The following MUC3A variants were observed in gnomAD, a reference collection of about 807,000 sequenced individuals.
The protein encoded by MUC3A is mucin-3A.
MUC3A carries 109 observed loss-of-function variants against 109.0 expected under a neutral mutation model. The observed-to-expected ratio is 1.00, with a 90% CI of 0.86 to 1.17. MUC3A has a LOEUF of 1.17. Among genes scored for constraint, MUC3A ranks in the 50% most tolerant of loss-of-function variants. The probability of loss-of-function intolerance (pLI) is 0.00; values close to 1 mark genes in which losing one functional copy is unlikely to be tolerated. For missense variants in MUC3A, 3,537 were observed against 2,469.4 expected (o/e 1.43, Z -9.16); for synonymous variants, 1,398 against 981.4 (o/e 1.42, Z -7.93).
chr7:100,967,526 G>C lies in MUC3A; in HGVS notation c.*364G>C, dbSNP rs1319694839. On this transcript the variant is annotated 3_prime_UTR_variant, in exon 12 of 12. Coordinates refer to ENST00000379458, the MANE Select transcript of MUC3A (RefSeq NM_005960.2). ...ACTCTGCCCTCCCGTCTCAGCCCTC[G>C]TGTTGCCATTGCCTCTCTCGGATCC... The C allele has an allele frequency of 6.1e-6, 3 of 494,590 alleles. No homozygotes were observed. Among genetic ancestry groups the C allele is most frequent in the Non-Finnish European group, 7.2e-6 (2 of 278,808 alleles). 30.6% of individuals were successfully genotyped at this position (494,590 alleles called of 1,614,324 possible).
chr7:100,966,231 G>C (rs1167948830), intron 8 of MUC3A, 155 bp from the exon 9 acceptor site: 2 of 415,184 alleles, frequency 4.8e-6, no homozygotes, highest in Non-Finnish European at 6.4e-6. Context: ...CCGGCCCCTC[G>C]TTCTAGGGTG....
Position 100,951,881 on chromosome 7 carries a change from C to T in MUC3A, c.102C>T (p.Phe34=), listed in dbSNP as rs1337841534. ...CCACATCCATCTCTCAAGTGCCTTT[C>T]CCCAGAGCAGAAGCAGCCAGCGCTG... ...STATSISQVP[F]PRAEAASAVL... Residue 34 remains phenylalanine, a synonymous_variant, in exon 2 of 12, where the codon TTC becomes TTT. Transcript: ENST00000379458. 1 of 1,598,588 alleles carries T rather than the reference C, an allele frequency of 6.3e-7. No individual in the cohort carries two copies.
chr7:100,964,314 G>A (rs4083370), intron 5 of MUC3A: 2 of 205,696 alleles, frequency 9.7e-6, no homozygotes, highest in Non-Finnish European at 1.9e-5. Flanking sequence ...AAAATGATTA[G>A]CCAGGCATGG....
chr7:100,957,521 C>T lies in MUC3A; in HGVS notation c.5742C>T (p.Thr1914=), dbSNP rs971941593. 1.2e-3 allele frequency: 1,296 copies of T among 1,060,892 alleles called. 9 individuals carry two copies. In the African/African-American group the frequency reaches 0.041, roughly 33 times the overall value. The allele number at this position is 1,060,892 out of a possible 1,614,324, so 65.7% of individuals were successfully genotyped here. A position where few individuals can be genotyped will look rare whatever the true frequency, so the allele number is the denominator to read the frequency against. Residue 1914 remains threonine, a synonymous_variant, in exon 2 of 12, where the codon ACC becomes ACT. Coordinates refer to ENST00000379458, the MANE Select transcript of MUC3A (RefSeq NM_005960.2). ...GCTTCACTTCTTCAATCGCAACCAC[C>T]GAGACCCCCTCACACAGTACTCCCA... is the stretch of plus-strand genomic sequence containing the variant. ...TPSFTSSIAT[T]ETPSHSTPRF... is the part of the protein sequence containing the mutation.
At chr7:100,966,069 T>C (rs1053761447) in intron 8 of MUC3A, 1 of 485,692 alleles carries the variant, frequency 2.1e-6, no homozygotes, top group Non-Finnish European at 2.9e-6. Flanking sequence ...TTGAGTCCTG[T>C]CCCCTAATTC....
rs1792216500 is a variant in MUC3A, at chr7:100,959,090, A to ACCC, written c.7311_7312insCCC (p.Ser2437_Glu2438insPro). On this transcript the variant is annotated inframe_insertion, in exon 2 of 12. Transcript: ENST00000379458. ...CAATCACCACCACTGAGACCACCTC[A>ACCC]GAGAGTACTCCCAGCCTCAGTTCTT... 1 of 1,595,394 alleles carries ACCC rather than the reference A, an allele frequency of 6.3e-7. No homozygotes were observed. Among genetic ancestry groups the ACCC allele is most frequent in the Non-Finnish European group, 8.5e-7 (1 of 1,177,858 alleles).
intron 1 of MUC3A, among the ~76,000 whole-genome samples, chr7:100,950,477 C>T (rs919091271): frequency 6.6e-6 from 1 of 152,312 alleles, no homozygotes; most frequent in Non-Finnish European, 1.5e-5. Flanking sequence ...CCTCCAGGGC[C>T]ACATCCTGGA....
intron 6 of MUC3A, 57 bp from the exon 7 acceptor site, chr7:100,965,225 T>A (rs73163789): frequency 0.14 from 210,559 of 1,525,970 alleles, 13 homozygotes; most frequent in South Asian, 0.27. Flanking sequence ...CGCTAACCCC[T>A]TGACCTTAAC....
At chr7:100,965,513 C>A in intron 7 of MUC3A, 166 bp downstream of exon 7, 1 of 1,418,078 alleles carries the variant, frequency 7.1e-7, no homozygotes, top group Non-Finnish European at 9.5e-7. Context: ...CACCTGAGGA[C>A]AGCAGGGGCC....
Position 100,968,024 on chromosome 7 carries a change from C to G in MUC3A, c.*862C>G, listed in dbSNP as rs1160333338. ...CCCTGCTGCCCAATTCTTTATTCTCCACCCCTTTCTCTCACCCCTGGAGCC... is the reference window on the plus strand; with the variant it reads ...CCCTGCTGCCCAATTCTTTATTCTCGACCCCTTTCTCTCACCCCTGGAGCC... On this transcript the variant is annotated 3_prime_UTR_variant, in exon 12 of 12. Coordinates refer to ENST00000379458, the MANE Select transcript of MUC3A (RefSeq NM_005960.2). The G allele has an allele frequency of 5.8e-4, 7 of 12,108 alleles. No homozygotes were observed. Among genetic ancestry groups the G allele is most frequent in the African/African-American group, 2.0e-3 (7 of 3,506 alleles). The allele number at this position is 12,108 out of a possible 1,614,324, so 0.8% of individuals were successfully genotyped here. A position where few individuals can be genotyped will look rare whatever the true frequency, so the allele number is the denominator to read the frequency against.
rs1326735429 is a variant in MUC3A at position 100,956,058 on chromosome 7, C to G, written c.4279C>G (p.Pro1427Ala). 1 of 452,886 alleles carries G rather than the reference C, an allele frequency of 2.2e-6. No homozygotes were observed. Among genetic ancestry groups the G allele is most frequent in the Non-Finnish European group, 3.9e-6 (1 of 258,570 alleles). The allele number at this position is 452,886 out of a possible 1,614,324, so 28.1% of individuals were successfully genotyped here. Residue 1427 changes from proline to alanine, a missense_variant, in exon 2 of 12, where the codon CCA (proline) becomes GCA (alanine). By Grantham distance (27) the Pro-to-Ala change is conservative. Coordinates refer to ENST00000379458, the MANE Select transcript of MUC3A (RefSeq NM_005960.2). ...TSSILSSTPVPSTEVTTSHTT... is the reference protein window; with the variant it reads ...TSSILSSTPVASTEVTTSHTT... ...TAGCATTTTATCTTCTACACCTGTC[C>G]CAAGCACAGAGGTGACCACCAGTCA...
intron 7 of MUC3A, 178 bp downstream of exon 7, chr7:100,965,525 C>T (rs1219836173): frequency 1.4e-6 from 2 of 1,415,826 alleles, no homozygotes; most frequent in South Asian, 1.4e-5. Context: ...GCAGGGGCCA[C>T]GAGGAGAGGG....
At position 100,968,133 on chromosome 7, in the gene MUC3A, TCCCC is replaced by T. The variant is rs1238400178; in HGVS notation, c.*973_*976del. 125,399 of 151,866 alleles carry T rather than the reference TCCCC, an allele frequency of 0.83. 49,621 individuals are homozygous for T. The highest frequency in any genetic ancestry group is 1 in the East Asian group (5,175 of 5,182). The allele number at this position is 151,866 out of a possible 1,614,324, so 9.4% of individuals were successfully genotyped here. Reference sequence around the variant, plus strand: ...TCTCCCTCCTCCTCATTTCCTTCGATCCCCCTCCCTTCTTGCCTCCCCTCTGCCT... The same window carrying T: ...TCTCCCTCCTCCTCATTTCCTTCGATCTCCCTTCTTGCCTCCCCTCTGCCT... On this transcript the variant is annotated 3_prime_UTR_variant, in exon 12 of 12. Transcript: ENST00000379458.
rs1792650470 is a variant in MUC3A, at chr7:100,967,588, G to T, written c.*426G>T. On this transcript the variant is annotated 3_prime_UTR_variant, in exon 12 of 12. Transcript: ENST00000379458. ...CGTCCTTCACCTGGTCTCTGGCCCT[G>T]GTTCTTATTTTCTCTCAATTCCCTA... is the stretch of plus-strand genomic sequence containing the variant. 2 of 361,984 alleles carry T rather than the reference G, an allele frequency of 5.5e-6. No individual in the cohort carries two copies. Among genetic ancestry groups the T allele is most frequent in the Non-Finnish European group, 5.0e-6 (1 of 199,056 alleles). 22.4% of individuals were successfully genotyped at this position (361,984 alleles called of 1,614,324 possible).
chr7:100,963,888 T>C (rs1792429283), intron 5 of MUC3A, 136 bp downstream of exon 5: 2 of 1,281,714 alleles, frequency 1.6e-6, no homozygotes, highest in Non-Finnish European at 1.1e-6. Flanking sequence ...AATCACTCCC[T>C]GGGTATTTTT....
intron 6 of MUC3A, chr7:100,965,069 TC>T (rs1291973708): frequency 3.5e-6 from 4 of 1,127,572 alleles, no homozygotes; most frequent in East Asian, 5.2e-5. Context: ...GGTCAGCATT[TC>T]CCGGATGGCT....
chr7:100,951,800 CG>C, intron 1 of MUC3A, 40 bp from the exon 2 acceptor site: 1 of 1,581,996 alleles, frequency 6.3e-7, no homozygotes, highest in South Asian at 1.1e-5. Context: ...AAATGACCCA[CG>C]GATTTACCAG....
chr7:100,961,186 G>C (rs1014374457), intron 3 of MUC3A, among the ~76,000 whole-genome samples: 107 of 152,358 alleles, frequency 7.0e-4, no homozygotes, highest in African/African-American at 2.5e-3. Flanking sequence ...AGCTGTATCA[G>C]TTTCCAACTG....
rs1286106410 is a variant in MUC3A, at chr7:100,953,070, T to C, written c.1291T>C (p.Ser431Pro). Residue 431 changes from serine (S) to proline (P), a missense_variant, in exon 2 of 12, where the codon TCC becomes CCC. Physicochemically the swap from Ser to Pro is moderately conservative, Grantham distance 74. Coordinates refer to ENST00000379458, the MANE Select transcript of MUC3A (RefSeq NM_005960.2). ...LPPTSGTMVT[S>P]TTMTPSSLST... ...CCCTACCTCAGGTACTATGGTGACT[T>C]CCACAACCATGACCCCATCTTCTCT... The C allele has an allele frequency of 1.1e-5, 15 of 1,314,722 alleles. No individual in the cohort carries two copies. In the African/African-American group the frequency reaches 2.0e-4, roughly 18 times the overall value. The allele number at this position is 1,314,722 out of a possible 1,614,324, so 81.4% of individuals were successfully genotyped here.
Sources: gnomAD v4.1 joint callset for allele counts (sites outside exome capture counted in the v4.1 genomes callset) on GRCh38, gnomAD v4.1.1 for gene constraint, MANE v1.5 for transcripts, NCBI Gene and HGNC (gene_info 2026-07-23, HGNC 2026-07-21) for gene names.